The following RSPO2 variants were observed in gnomAD, a reference collection of about 807,000 sequenced individuals.
RSPO2 encodes R-spondin-2.
Under a neutral mutation model 30.9 loss-of-function variants are expected in RSPO2, and 14 were observed. The ratio of observed to expected loss-of-function variants is 0.45; its 90% CI spans 0.30 to 0.71. The LOEUF (loss-of-function observed/expected upper bound fraction) is 0.71, where lower values mean the gene tolerates loss of function less well. Among genes scored for constraint, RSPO2 ranks in the 30% least tolerant of loss-of-function variants. The pLI, the probability that RSPO2 is intolerant of heterozygous loss-of-function variation, is 0.08. For synonymous variants in RSPO2, 107 were observed against 96.4 expected, an observed-to-expected ratio of 1.11 and a Z score of -0.64; for missense variants, 264 against 301.9, an observed-to-expected ratio of 0.87 and a Z score of 0.93.
chr8:108,009,798 C>T (rs952743458), intron 2 of RSPO2, among the ~76,000 whole-genome samples: 1 of 152,110 alleles, frequency 6.6e-6, no homozygotes, highest in African/African-American at 2.4e-5. Flanking sequence ...ACCTGTAATT[C>T]CAGCACTTTG....
chr8:107,948,334 A>G (rs547625965), intron 5 of RSPO2, among the ~76,000 whole-genome samples: 53 of 152,282 alleles, frequency 3.5e-4, no homozygotes, highest in Admixed American at 2.6e-3. Flanking sequence ...CAGCTCCAAC[A>G]CTGGATTATC....
chr8:107,934,972 C>T (rs1812668074), intron 5 of RSPO2, among the ~76,000 whole-genome samples: 3 of 152,122 alleles, frequency 2.0e-5, no homozygotes, highest in Admixed American at 2.0e-4. Flanking sequence ...GTTATCTGCA[C>T]AAATTGTTTG....
chr8:108,055,431 G>T (rs371822007), intron 2 of RSPO2, among the ~76,000 whole-genome samples: 1 of 152,250 alleles, frequency 6.6e-6, no homozygotes, highest in African/African-American at 2.4e-5. Flanking sequence ...ATTTAAATGG[G>T]GGGGAGAATT....
rs990072475 is a variant in RSPO2 at position 108,020,443 on chromosome 8, C to G, written c.95-31199G>C. ...GCTGTTTAAAAATCCACCGTATTCC[C>G]TACTACCTAAAGAACAAAGTCTAGT... On this transcript the variant is annotated intron_variant, in intron 2 of 5. Transcript: ENST00000276659. Among the ~76,000 whole-genome samples, 9 of 152,254 alleles carry G rather than the reference C, an allele frequency of 5.9e-5. No homozygotes were observed. In the East Asian group the frequency reaches 1.7e-3, roughly 29 times the overall value.
In RSPO2 at chr8:107,958,068, A is replaced by G; in HGVS notation, c.616+12T>C. On this transcript the variant is annotated intron_variant, in intron 5 of 5. Coordinates refer to ENST00000276659, the MANE Select transcript of RSPO2 (RefSeq NM_178565.5). ...GCACACAGCACACAGTAGTGATTAT[A>G]TCCACACCTACCTCCTGGACAATGC... The G allele has an allele frequency of 6.2e-7, 1 of 1,602,862 alleles. No homozygotes were observed. The highest frequency in any genetic ancestry group is 1.1e-5 in the South Asian group (1 of 90,378).
intron 5 of RSPO2, among the ~76,000 whole-genome samples, chr8:107,944,345 T>A (rs1391513703): frequency 6.6e-6 from 1 of 152,196 alleles, no homozygotes; most frequent in African/African-American, 2.4e-5. Context: ...CTTATCCACC[T>A]TATACTATAT....
At chr8:107,951,849 CTTTATA>C (rs1313036106) in intron 5 of RSPO2, among the ~76,000 whole-genome samples, 4 of 152,078 alleles carry the variant, frequency 2.6e-5, no homozygotes, top group African/African-American at 7.2e-5. Context: ...TTTTGCACCC[CTTTATA>C]TTTATGTCTA....
chr8:107,937,186 G>A (rs1368618327), intron 5 of RSPO2, among the ~76,000 whole-genome samples: 1 of 147,390 alleles, frequency 6.8e-6, no homozygotes, highest in Non-Finnish European at 1.5e-5. Context: ...GGAGAGACAA[G>A]GTCCAGTTTC....
chr8:108,046,207 G>A lies in RSPO2; in HGVS notation c.94+36338C>T, dbSNP rs117630980. Among the ~76,000 whole-genome samples, 24 of 152,192 alleles carry A rather than the reference G, an allele frequency of 1.6e-4. No homozygotes were observed. The East Asian group carries it at 2.9e-3, about 18-fold the overall frequency. ...GCCTACGGCTTTATGAAAAGAAAAC[G>A]TTTATACATTTGCAGAACAGTGTAA... is the stretch of plus-strand genomic sequence containing the variant. On this transcript the variant is annotated intron_variant, in intron 2 of 5. Coordinates refer to ENST00000276659, the MANE Select transcript of RSPO2 (RefSeq NM_178565.5).
chr8:108,057,578 A>G (rs1210917409), intron 2 of RSPO2, among the ~76,000 whole-genome samples: 1 of 152,242 alleles, frequency 6.6e-6, no homozygotes. Flanking sequence ...CCAAAATAAC[A>G]TTCAAAATTC....
intron 2 of RSPO2, among the ~76,000 whole-genome samples, chr8:108,003,293 ATATATATATATATATATATTTTT>A (rs1280787575): frequency 9.6e-4 from 69 of 72,020 alleles, no homozygotes; most frequent in African/African-American, 6.1e-3. Context: ...ATATATATAT[ATATATATATATATATATATTTTT>A]TTTTTTTTTT....
At chr8:108,003,992 G>A (rs989588030) in intron 2 of RSPO2, among the ~76,000 whole-genome samples, 1 of 152,038 alleles carries the variant, frequency 6.6e-6, no homozygotes, top group Admixed American at 6.6e-5. Context: ...CTCATAATTC[G>A]TTCGCTGCTC....
rs192426176 is a variant in RSPO2 at position 107,985,008 on chromosome 8, T to C, written c.283+4048A>G. Among the ~76,000 whole-genome samples the C allele has an allele frequency of 2.6e-3, 403 of 152,260 alleles. 8 individuals are homozygous for C. Among genetic ancestry groups the C allele is most frequent in the Non-Finnish European group, 9.9e-4 (67 of 68,004 alleles). On this transcript the variant is annotated intron_variant, in intron 3 of 5. Coordinates refer to ENST00000276659, the MANE Select transcript of RSPO2 (RefSeq NM_178565.5). ...ATACTTCAAAAAGTTTATTTTTTAA[T>C]TACTAAAAACATGACAGTTGTGCAA...
intron 2 of RSPO2, among the ~76,000 whole-genome samples, chr8:108,020,802 T>C (rs1379535914): frequency 6.6e-6 from 1 of 152,178 alleles, no homozygotes; most frequent in Non-Finnish European, 1.5e-5. Flanking sequence ...TAAGGGCCAC[T>C]ATAGTATCAC....
chr8:107,985,940 A>G (rs1814612200), intron 3 of RSPO2, among the ~76,000 whole-genome samples: 1 of 152,182 alleles, frequency 6.6e-6, no homozygotes, highest in South Asian at 2.1e-4. Flanking sequence ...TTCCTTCAAA[A>G]GAAGGATATT....
intron 2 of RSPO2, among the ~76,000 whole-genome samples, chr8:108,056,623 C>CA (rs56256415): frequency 0.17 from 12,117 of 71,484 alleles, 1,111 homozygotes; most frequent in African/African-American, 0.2. Context: ...AGACCCGTCT[C>CA]AAAAAAAAAA....
At chr8:107,976,810 T>C (rs1052475115) in intron 3 of RSPO2, among the ~76,000 whole-genome samples, 1 of 152,210 alleles carries the variant, frequency 6.6e-6, no homozygotes, top group East Asian at 1.9e-4. Context: ...TCCTTTCTTT[T>C]AAACTATTGC....
At position 108,044,748 on chromosome 8, in the gene RSPO2, T is replaced by C. The variant is rs181950675; in HGVS notation, c.94+37797A>G. ...GTAATGATATTGTTGGGTCAAATGATAGTTCTGTTTTAAGCTATTTGAGAA... is the reference window on the plus strand; with the variant it reads ...GTAATGATATTGTTGGGTCAAATGACAGTTCTGTTTTAAGCTATTTGAGAA... On this transcript the variant is annotated intron_variant, in intron 2 of 5. Coordinates refer to ENST00000276659, the MANE Select transcript of RSPO2 (RefSeq NM_178565.5). Among the ~76,000 whole-genome samples, 255 of 152,276 alleles carry C rather than the reference T, an allele frequency of 1.7e-3. 1 individual carries two copies. Among genetic ancestry groups the C allele is most frequent in the African/African-American group, 5.4e-3 (226 of 41,564 alleles).
chr8:108,055,158 C>T (rs548580500), intron 2 of RSPO2, among the ~76,000 whole-genome samples: 1 of 152,120 alleles, frequency 6.6e-6, no homozygotes, highest in South Asian at 2.1e-4. Flanking sequence ...TAAAAATGTG[C>T]TGCTTTAGAT....
Sources: gnomAD v4.1 joint callset for allele counts (sites outside exome capture counted in the v4.1 genomes callset) on GRCh38, gnomAD v4.1.1 for gene constraint, MANE v1.5 for transcripts, NCBI Gene and HGNC (gene_info 2026-07-23, HGNC 2026-07-21) for gene names.